Variants in TTLL1 observed in about 807,000 individuals in gnomAD.
TTLL1 encodes the protein polyglutamylase complex subunit TTLL1.
In TTLL1, 33 loss-of-function variants were observed where a neutral mutation model predicts 47.8. The observed-to-expected ratio is 0.69, with a 90% confidence interval of 0.52 to 0.92. TTLL1 has a LOEUF of 0.92. Ranked by LOEUF, TTLL1 falls within the 40% of genes least tolerant of loss-of-function variation. The pLI, the probability that TTLL1 is intolerant of heterozygous loss-of-function variation, is 0.00. For synonymous variants in TTLL1, 225 were observed against 214.1 expected (o/e 1.05, Z -0.45); for missense variants, 488 against 547.5 (o/e 0.89, Z 1.08).
In TTLL1 at chr22:43,073,080, T is replaced by A. The variant is rs367567905; in HGVS notation, c.113+2394A>T. Among the ~76,000 whole-genome samples the A allele has an allele frequency of 1.1e-4, 17 of 151,868 alleles. No homozygotes were observed. The East Asian group carries it at 1.9e-3, about 17-fold the overall frequency. On this transcript the variant is annotated intron_variant, in intron 3 of 10. Transcript: ENST00000266254. The stretch of plus-strand genomic sequence containing the variant: ...CCCAGGCTGGAGTGCAGTGGTGCGA[T>A]CTTAGCTAACTGCAACCTCCGCCTC...
At chr22:43,046,677 GT>G (rs1348513486) in intron 9 of TTLL1, 104 bp from the exon 10 acceptor site, 178 of 1,328,728 alleles carry the variant, frequency 1.3e-4, no homozygotes, top group Middle Eastern at 2.3e-4. Context: ...CTTTAGTGAA[GT>G]TTTTTTTTGA....
chr22:43,070,262 G>T (rs1471193211), intron 3 of TTLL1: 3 of 1,276,768 alleles, frequency 2.3e-6, no homozygotes, highest in Admixed American at 2.3e-5. Context: ...CAAAATCACA[G>T]GGGTTATTTA....
At position 43,080,293 on chromosome 22, in the gene TTLL1, T is replaced by A. The variant is rs2018688; in HGVS notation, c.-89-307A>T. Among the ~76,000 whole-genome samples the A allele has an allele frequency of 7.9e-3, 1,194 of 151,910 alleles. 5 individuals carry two copies. Among genetic ancestry groups the A allele is most frequent in the Non-Finnish European group, 0.013 (904 of 67,976 alleles). On this transcript the variant is annotated intron_variant, in intron 1 of 10. Transcript: ENST00000266254. ...TGGTCTCAAACTCCCAGGCTCTAGC[T>A]ATCTGCCCACCTCAGCCTCCCAAAG...
At chr22:43,084,702 C>T (rs1255938550) in intron 1 of TTLL1, among the ~76,000 whole-genome samples, 3 of 151,422 alleles carry the variant, frequency 2.0e-5, no homozygotes, top group African/African-American at 4.9e-5. Context: ...GGGGTTTCAC[C>T]GTGTTAGCCA....
At chr22:43,078,515 A>G (rs1169668033) in intron 2 of TTLL1, among the ~76,000 whole-genome samples, 1 of 151,852 alleles carries the variant, frequency 6.6e-6, no homozygotes, top group African/African-American at 2.4e-5. Flanking sequence ...GGAAGGAAAA[A>G]CAAAAGAGAA....
intron 9 of TTLL1, among the ~76,000 whole-genome samples, chr22:43,049,131 G>GAA (rs745568119): frequency 3.0e-5 from 3 of 101,174 alleles, no homozygotes; most frequent in Non-Finnish European, 4.3e-5. Flanking sequence ...CCTGAAACAA[G>GAA]AAAAAAAAAA....
chr22:43,040,416 ACT>A (rs1327345765), intron 10 of TTLL1, among the ~76,000 whole-genome samples: 3 of 151,138 alleles, frequency 2.0e-5, no homozygotes, highest in Non-Finnish European at 3.0e-5. Flanking sequence ...TCAGCTAGAG[ACT>A]CTGCCAGTGT....
intron 6 of TTLL1, 24 bp downstream of exon 6, chr22:43,064,166 A>G (rs1927573068): frequency 6.2e-7 from 1 of 1,601,198 alleles, no homozygotes; most frequent in Admixed American, 1.8e-5. Flanking sequence ...ATCAAGAGGG[A>G]ACCAAAACCT....
chr22:43,057,278 TA>T (rs11343949), intron 8 of TTLL1, among the ~76,000 whole-genome samples: 77,746 of 131,820 alleles, frequency 0.59, 23,986 homozygotes, highest in Middle Eastern at 0.76. Flanking sequence ...CAAATTAAAT[TA>T]AAAAAAAAAA....
chr22:43,047,613 C>T (rs1926243301), intron 9 of TTLL1, among the ~76,000 whole-genome samples: 1 of 152,100 alleles, frequency 6.6e-6, no homozygotes, highest in Non-Finnish European at 1.5e-5. Flanking sequence ...GGATTACAGG[C>T]ATGCACCACC....
chr22:43,053,118 G>A (rs1002540573), intron 8 of TTLL1, among the ~76,000 whole-genome samples: 7 of 152,086 alleles, frequency 4.6e-5, no homozygotes, highest in Non-Finnish European at 1.0e-4. Context: ...TGCTTATGAT[G>A]CAGATTCCTG....
rs114957020 is a variant in TTLL1 at position 43,070,416 on chromosome 22, C to G, written c.114-572G>C. On this transcript the variant is annotated intron_variant, in intron 3 of 10. Transcript: ENST00000266254. The stretch of plus-strand genomic sequence containing the variant: ...CGCCACACGCCTGTCCTCACCAACC[C>G]CCAGAGAAGCAGGGAAGGGGTACGG... 9.0e-3 allele frequency among the ~76,000 whole-genome samples: 1,366 copies of G among 152,208 alleles called. 24 individuals are homozygous for G. Among genetic ancestry groups the G allele is most frequent in the African/African-American group, 0.032 (1,318 of 41,520 alleles).
At chr22:43,059,567 C>T in intron 7 of TTLL1, 40 bp from the exon 8 acceptor site, 1 of 1,592,428 alleles carries the variant, frequency 6.3e-7, no homozygotes, top group Non-Finnish European at 8.6e-7. Flanking sequence ...TCAGGCTATG[C>T]ACCCCAGAGG....
intron 10 of TTLL1, among the ~76,000 whole-genome samples, chr22:43,040,843 G>A (rs1330051305): frequency 6.6e-5 from 10 of 152,196 alleles, no homozygotes; most frequent in Admixed American, 3.9e-4. Flanking sequence ...CTGAATTTTC[G>A]TGTCTGGAAG....
intron 3 of TTLL1, among the ~76,000 whole-genome samples, chr22:43,073,364 T>TTTTA (rs140193788): frequency 0.17 from 22,355 of 133,296 alleles, 1,793 homozygotes; most frequent in Admixed American, 0.22. Context: ...TATTTATTTA[T>TTTTA]TTTATTTTTT....
intron 2 of TTLL1, among the ~76,000 whole-genome samples, chr22:43,078,707 C>G (rs111593111): frequency 6.6e-6 from 1 of 152,020 alleles, no homozygotes; most frequent in Non-Finnish European, 1.5e-5. Context: ...TAAACAGAAC[C>G]GCTCTCTGCA....
intron 1 of TTLL1, among the ~76,000 whole-genome samples, chr22:43,080,902 CTTTTTTTTTTTTTTTTT>C (rs10529079): frequency 1.5e-3 from 105 of 69,296 alleles, no homozygotes; most frequent in African/African-American, 3.8e-3. Flanking sequence ...TGTTGCATGA[CTTTTTTTTTTTTTTTTT>C]TTTTTTTTTT....
At chr22:43,049,466 T>C (rs990595851) in intron 9 of TTLL1, among the ~76,000 whole-genome samples, 1 of 151,586 alleles carries the variant, frequency 6.6e-6, no homozygotes, top group African/African-American at 2.4e-5. Flanking sequence ...GAGGTTGTGG[T>C]GAGCCAAGAT....
intron 2 of TTLL1, among the ~76,000 whole-genome samples, chr22:43,077,686 T>C (rs1928598836): frequency 1.3e-5 from 2 of 152,290 alleles, no homozygotes; most frequent in East Asian, 1.9e-4. Flanking sequence ...TTCAAACTGC[T>C]CAGGCAGCCC....
Sources: gnomAD v4.1 joint callset for allele counts (sites outside exome capture counted in the v4.1 genomes callset) on GRCh38, gnomAD v4.1.1 for gene constraint, MANE v1.5 for transcripts, NCBI Gene and HGNC (gene_info 2026-07-23, HGNC 2026-07-21) for gene names.